NFE2L3: variants seen among roughly 807,000 people sequenced by gnomAD.
NFE2L3 encodes the protein NFE2 like bZIP transcription factor 3.
Under a neutral mutation model 23.5 loss-of-function variants are expected in NFE2L3, and 18 were observed. The observed-to-expected ratio is 0.77, with a 90% CI of 0.53 to 1.13. The LOEUF (loss-of-function observed/expected upper bound fraction) is 1.13. Among genes scored for constraint, NFE2L3 ranks in the 50% most tolerant of loss-of-function variants. The pLI, the probability that NFE2L3 is intolerant of heterozygous loss-of-function variation, is 0.00. For synonymous variants in NFE2L3, 424 were observed against 354.5 expected, an observed-to-expected ratio of 1.20 and a Z score of -2.20; for missense variants, 1,152 against 877.2, an observed-to-expected ratio of 1.31 and a Z score of -3.96.
intron 1 of NFE2L3, among the ~76,000 whole-genome samples, chr7:26,156,504 T>G (rs1038295577): frequency 6.6e-6 from 1 of 152,206 alleles, no homozygotes; most frequent in Non-Finnish European, 1.5e-5. Context: ...GGGCTTATCA[T>G]GATCTGAAAA....
At chr7:26,177,663 C>T (rs1169532315) in intron 1 of NFE2L3, among the ~76,000 whole-genome samples, 1 of 152,194 alleles carries the variant, frequency 6.6e-6, no homozygotes, top group African/African-American at 2.4e-5. Flanking sequence ...AAACTGCCTG[C>T]TGGCAACATT....
Position 26,153,796 on chromosome 7 carries a change from A to T in NFE2L3, c.570+728A>T, listed in dbSNP as rs571022622. On this transcript the variant is annotated intron_variant, in intron 1 of 3. Coordinates refer to ENST00000056233, the MANE Select transcript of NFE2L3 (RefSeq NM_004289.7). Reference sequence around the variant, plus strand: ...TCTTTCTGAAACCAAGTTTACCAAGATCTGTTGCTTGAAACATCTGGTGCT... The same window carrying T: ...TCTTTCTGAAACCAAGTTTACCAAGTTCTGTTGCTTGAAACATCTGGTGCT... 5.9e-5 allele frequency among the ~76,000 whole-genome samples: 9 copies of T among 152,302 alleles called. No homozygotes were observed. In the South Asian group the frequency reaches 1.9e-3, roughly 32 times the overall value.
chr7:26,153,582 A>G (rs1784032742), intron 1 of NFE2L3, among the ~76,000 whole-genome samples: 1 of 152,216 alleles, frequency 6.6e-6, no homozygotes, highest in Admixed American at 6.5e-5. Flanking sequence ...AGCCATGGTC[A>G]GGGTCTATTC....
chr7:26,165,685 T>A (rs374932875), intron 1 of NFE2L3, among the ~76,000 whole-genome samples: 3 of 152,170 alleles, frequency 2.0e-5, no homozygotes, highest in South Asian at 4.1e-4. Flanking sequence ...CAACACTATG[T>A]TGAATAGGAG....
chr7:26,175,975 G>A (rs1784398267), intron 1 of NFE2L3, among the ~76,000 whole-genome samples: 2 of 151,210 alleles, frequency 1.3e-5, no homozygotes, highest in South Asian at 4.2e-4. Flanking sequence ...GTGAACAAAG[G>A]TCTCTGGTTT....
intron 3 of NFE2L3, chr7:26,184,028 A>T (rs1370356114): frequency 4.0e-6 from 2 of 505,826 alleles, no homozygotes; most frequent in East Asian, 3.3e-5. Flanking sequence ...AAACTAAAAG[A>T]ATTATCAGGT....
rs1784018340 is a variant in NFE2L3, at chr7:26,152,826, G to A, written c.328G>A (p.Ala110Thr). 6.7e-7 allele frequency: 1 copy of A among 1,486,010 alleles called. No individual in the cohort carries two copies. Among genetic ancestry groups the A allele is most frequent in the Non-Finnish European group, 8.9e-7 (1 of 1,125,960 alleles). 92.1% of individuals were successfully genotyped at this position (1,486,010 alleles called of 1,614,324 possible). ...VPFVPRTSVD[A>T]WLVHSVAAGS... ...CTTCGTCCCTCGCACCAGCGTGGAT[G>A]CATGGCTGGTGCACAGCGTGGCTGC... Residue 110 changes from alanine to threonine, a missense_variant, in exon 1 of 4, where the codon GCA becomes ACA. Coordinates refer to ENST00000056233, the MANE Select transcript of NFE2L3 (RefSeq NM_004289.7). This position sits in a 1 kb window ranked among gnomAD's most constrained non-coding sequence, Gnocchi z 4.4.
In NFE2L3 at chr7:26,184,758, C is replaced by G. The variant is rs1782436031; in HGVS notation, c.1060C>G (p.Gln354Glu). ...QLNSHTTNPE[Q>E]TLPGTNLTGF... ...AAATTCTCATACCACCAATCCTGAG[C>G]AAACCCTTCCTGGAACTAATTTGAC... is the stretch of plus-strand genomic sequence containing the variant. The change falls in exon 4 of 4, where the codon CAA (glutamine) becomes GAA (glutamate). Residue 354 changes from glutamine (Q) to glutamate (E), a missense_variant. Transcript: ENST00000056233. 5.0e-6 allele frequency: 8 copies of G among 1,613,932 alleles called. No homozygotes were observed. In the East Asian group the frequency reaches 1.8e-4, roughly 36 times the overall value.
chr7:26,153,136 C>A (rs1784026185), intron 1 of NFE2L3, 68 bp downstream of exon 1: 3 of 1,429,918 alleles, frequency 2.1e-6, no homozygotes, highest in South Asian at 2.8e-5. Flanking sequence ...AGGCTTGTGT[C>A]GGATCTGAGC....
Position 26,152,779 on chromosome 7 carries a change from A to T in NFE2L3, c.281A>T (p.Glu94Val). The change falls in exon 1 of 4, where the codon GAG becomes GTG. Residue 94 changes from glutamate to valine, a missense_variant. Coordinates refer to ENST00000056233, the MANE Select transcript of NFE2L3 (RefSeq NM_004289.7). This position sits in a 1 kb window ranked among gnomAD's most constrained non-coding sequence, Gnocchi z 4.4. ...AAPPEGQLLR[E>V]VRALGVPFVP... ...CCGCCCGAGGGCCAGCTGCTCCGGG[A>T]GGTGCGCGCGCTCGGGGTCCCCTTC... 1 of 1,484,456 alleles carries T rather than the reference A, an allele frequency of 6.7e-7. No homozygotes were observed. Among genetic ancestry groups the T allele is most frequent in the South Asian group, 1.3e-5 (1 of 78,820 alleles). 92.0% of individuals were successfully genotyped at this position (1,484,456 alleles called of 1,614,324 possible).
intron 1 of NFE2L3, among the ~76,000 whole-genome samples, chr7:26,161,708 T>C (rs1478744445): frequency 6.6e-6 from 1 of 152,120 alleles, no homozygotes; most frequent in Non-Finnish European, 1.5e-5. Flanking sequence ...CAAAGCCCAA[T>C]TTCCCTAGCT....
At position 26,178,108 on chromosome 7, in the gene NFE2L3, G is replaced by C. The variant is rs773510449; in HGVS notation, c.736G>C (p.Glu246Gln). ...KPDWEAEKTT[E>Q]SRNERHLNGT... is the part of the protein sequence containing the mutation. The stretch of plus-strand genomic sequence containing the variant: ...TGACTGGGAGGCAGAAAAGACCACT[G>C]AATCTAGAAATGAGGTAAGCCTGTC... Residue 246 changes from glutamate to glutamine, a missense_variant, in exon 2 of 4, where the codon GAA becomes CAA. Transcript: ENST00000056233. The C allele has an allele frequency of 3.1e-6, 5 of 1,612,982 alleles. No individual in the cohort carries two copies. Among genetic ancestry groups the C allele is most frequent in the Middle Eastern group, 1.6e-4 (1 of 6,080 alleles).
At chr7:26,177,864 T>C in intron 1 of NFE2L3, 79 bp from the exon 2 acceptor site, 1 of 1,253,792 alleles carries the variant, frequency 8.0e-7, no homozygotes, top group Non-Finnish European at 1.1e-6. Flanking sequence ...ACTTGTGGGT[T>C]TTCATGGTCC....
At chr7:26,167,656 C>G (rs1001926502) in intron 1 of NFE2L3, among the ~76,000 whole-genome samples, 1 of 152,136 alleles carries the variant, frequency 6.6e-6, no homozygotes, top group Non-Finnish European at 1.5e-5. Context: ...AACCTCAAGA[C>G]TACGCAACAG....
intron 1 of NFE2L3, chr7:26,173,743 CTATTCAACAAA>C (rs1222478530): frequency 1.3e-5 from 2 of 152,284 alleles, no homozygotes; most frequent in Admixed American, 1.3e-4. Context: ...AAGAGTTCAG[CTATTCAACAAA>C]TATGTAGCAA....
chr7:26,174,724 C>T (rs1784373124), intron 1 of NFE2L3: 1 of 152,188 alleles, frequency 6.6e-6, no homozygotes, highest in Non-Finnish European at 1.5e-5. Flanking sequence ...CTTCAACCTT[C>T]ACTTAAAAAT....
intron 1 of NFE2L3, among the ~76,000 whole-genome samples, chr7:26,155,522 A>G (rs1784067800): frequency 6.6e-6 from 1 of 152,180 alleles, no homozygotes; most frequent in African/African-American, 2.4e-5. Flanking sequence ...TCAGTGCCAA[A>G]AGAGAGACCA....
rs1782505468 is a variant in NFE2L3 at position 26,187,049 on chromosome 7, A to ATAAG, written c.*1269_*1272dup. The ATAAG allele has an allele frequency of 2.0e-5, 3 of 152,228 alleles. No homozygotes were observed. The South Asian group carries it at 6.2e-4, about 31-fold the overall frequency. The allele number at this position is 152,228 out of a possible 1,614,324, so 9.4% of individuals were successfully genotyped here. A position where few individuals can be genotyped will look rare whatever the true frequency, so the allele number is the denominator to read the frequency against. ...TAGGAGCTACAGTGTAGAGTATCAC[A>ATAAG]TAAGTATCTTGGGCTAGAGAAATGC... On this transcript the variant is annotated 3_prime_UTR_variant, in exon 4 of 4. Transcript: ENST00000056233.
Position 26,185,605 on chromosome 7 carries a change from A to AGAAACT in NFE2L3, c.1909_1914dup (p.Lys637_Leu638dup). ...AACAAAGCTATTAACATAATGAAACAGAAACTGCATGACCTTTATCATGAT... is the reference window on the plus strand; with the variant it reads ...AACAAAGCTATTAACATAATGAAACAGAAACTGAAACTGCATGACCTTTATCATGAT... On this transcript the variant is annotated inframe_insertion, in exon 4 of 4. Transcript: ENST00000056233. 6.2e-7 allele frequency: 1 copy of AGAAACT among 1,613,594 alleles called. No homozygotes were observed. Among genetic ancestry groups the AGAAACT allele is most frequent in the East Asian group, 2.2e-5 (1 of 44,856 alleles).
Sources: allele counts gnomAD v4.1 joint callset (sites outside exome capture counted in the v4.1 genomes callset), GRCh38; gene constraint gnomAD v4.1.1; non-coding constraint Gnocchi (gnomAD v3.1); transcripts MANE v1.5; gene names NCBI Gene and HGNC (gene_info 2026-07-23, HGNC 2026-07-21).